Variants in RGMB observed in about 807,000 individuals in gnomAD.
The protein encoded by RGMB is repulsive guidance molecule B.
RGMB carries 16 observed loss-of-function variants against 26.9 expected under a neutral mutation model. The observed-to-expected ratio is 0.60, with a 90% CI of 0.40 to 0.90. The LOEUF (loss-of-function observed/expected upper bound fraction) is 0.90, where lower values mean the gene tolerates loss of function less well. RGMB is among the 40% of genes least tolerant of loss of function. The pLI is 0.00. For synonymous variants in RGMB, 225 were observed against 229.3 expected (o/e 0.98, Z 0.17); for missense variants, 512 against 573.3 (o/e 0.89, Z 1.09).
chr5:98,786,552 G>A (rs764084124), intron 2 of RGMB, among the ~76,000 whole-genome samples: 17 of 152,176 alleles, frequency 1.1e-4, no homozygotes, highest in Non-Finnish European at 2.2e-4. Context: ...GTTTCTGCTC[G>A]TGTGGAATGT....
chr5:98,779,762 T>C lies in RGMB; in HGVS notation c.319T>C (p.Ser107Pro). The C allele has an allele frequency of 2.5e-6, 4 of 1,614,052 alleles. No homozygotes were observed. The highest frequency in any genetic ancestry group is 3.4e-6 in the Non-Finnish European group (4 of 1,179,888). The change falls in exon 2 of 3, where the codon TCT (serine) becomes CCT (proline). Residue 107 changes from serine to proline, a missense_variant. Physicochemically the swap from Ser to Pro is moderately conservative, Grantham distance 74. Coordinates refer to ENST00000513185, the MANE Select transcript of RGMB (RefSeq NM_001366508.1). The stretch of plus-strand genomic sequence containing the variant: ...CTGCCGTGGCAACCTGGTATACCAT[T>C]CTGCCGTGTTGGGTATCAGTGACCT... ...KACRGNLVYH[S>P]AVLGISDLMS...
chr5:98,778,929 A>G (rs1346347502), intron 1 of RGMB, among the ~76,000 whole-genome samples: 1 of 151,686 alleles, frequency 6.6e-6, no homozygotes, highest in Non-Finnish European at 1.5e-5. Flanking sequence ...TTCTTAGAGC[A>G]TTTACATTTT....
intron 1 of RGMB, among the ~76,000 whole-genome samples, chr5:98,776,651 G>T (rs1746412145): frequency 6.6e-6 from 1 of 152,202 alleles, no homozygotes; most frequent in Non-Finnish European, 1.5e-5. Context: ...TGACCCAATC[G>T]CACTTTCTAT....
intron 1 of RGMB, among the ~76,000 whole-genome samples, chr5:98,774,492 C>T (rs917380880): frequency 6.6e-6 from 1 of 152,180 alleles, no homozygotes; most frequent in Non-Finnish European, 1.5e-5. Context: ...AAACATTTAG[C>T]GGGCGGGGGC....
At chr5:98,776,626 G>A (rs1205940496) in intron 1 of RGMB, among the ~76,000 whole-genome samples, 1 of 152,234 alleles carries the variant, frequency 6.6e-6, no homozygotes, top group African/African-American at 2.4e-5. Flanking sequence ...AAGCCCACAA[G>A]GCAGCTGAAA....
At position 98,775,642 on chromosome 5, in the gene RGMB, G is replaced by A. The variant is rs1397756139; in HGVS notation, c.136+1436G>A. Among the ~76,000 whole-genome samples the A allele has an allele frequency of 4.9e-4, 74 of 152,186 alleles. 1 individual carries two copies. The highest frequency in any genetic ancestry group is 4.8e-3 in the Admixed American group (73 of 15,280). On this transcript the variant is annotated intron_variant, in intron 1 of 2. Coordinates refer to ENST00000513185, the MANE Select transcript of RGMB (RefSeq NM_001366508.1). Reference sequence around the variant, plus strand: ...TTTCCCATAGTTGCCATAGGATCCTGTGACAGAATTGGAATGTGGTCCCTG... The same window carrying A: ...TTTCCCATAGTTGCCATAGGATCCTATGACAGAATTGGAATGTGGTCCCTG...
At chr5:98,770,733 T>C, upstream of RGMB, 2 of 1,059,580 alleles carry the variant, frequency 1.9e-6, no homozygotes. Flanking sequence ...AGTTGTACTT[T>C]CCTTATTTTC....
chr5:98,780,190 G>A, intron 2 of RGMB, 102 bp downstream of exon 2: 5 of 1,079,344 alleles, frequency 4.6e-6, no homozygotes, highest in East Asian at 2.4e-5. Flanking sequence ...TAGTTTAAAA[G>A]GAACTTCTTT....
chr5:98,772,137 C>T (rs1264998139), upstream of RGMB, among the ~76,000 whole-genome samples: 1 of 152,222 alleles, frequency 6.6e-6, no homozygotes. Flanking sequence ...CCCCAAAAGT[C>T]ATTTCTCCAG....
At position 98,773,683 on chromosome 5, in the gene RGMB, G is replaced by A. The variant is rs1746259705; in HGVS notation, c.-388G>A. The A allele has an allele frequency of 5.5e-6, 2 of 361,194 alleles. No homozygotes were observed. Among genetic ancestry groups the A allele is most frequent in the African/African-American group, 2.1e-5 (1 of 47,224 alleles). 22.4% of individuals were successfully genotyped at this position (361,194 alleles called of 1,614,324 possible). ...GCCGCGCAGAGATATCCGGGCCGCC[G>A]GTGGGTGGTCGCTAGGGCTGGGCCA... On this transcript the variant is annotated 5_prime_UTR_variant, in exon 1 of 3. Coordinates refer to ENST00000513185, the MANE Select transcript of RGMB (RefSeq NM_001366508.1).
chr5:98,771,359 C>A (rs1051609222), upstream of RGMB, among the ~76,000 whole-genome samples: 1 of 152,104 alleles, frequency 6.6e-6, no homozygotes, highest in South Asian at 2.1e-4. Flanking sequence ...TTTCTTTGTA[C>A]AATATAAAGT....
At position 98,796,396 on chromosome 5, in the gene RGMB, A is replaced by G. The variant is rs960798798; in HGVS notation, c.*2643A>G. On this transcript the variant is annotated 3_prime_UTR_variant, in exon 3 of 3. Coordinates refer to ENST00000513185, the MANE Select transcript of RGMB (RefSeq NM_001366508.1). Reference sequence around the variant, plus strand: ...AGAAACCTTTAGATGTGGTTCATAGATATATGAATACGTATCTGTGTAAAA... The same window carrying G: ...AGAAACCTTTAGATGTGGTTCATAGGTATATGAATACGTATCTGTGTAAAA... The G allele has an allele frequency of 6.8e-6, 1 of 146,014 alleles. No individual in the cohort carries two copies. The highest frequency in any genetic ancestry group is 1.5e-5 in the Non-Finnish European group (1 of 66,800). 9.0% of individuals were successfully genotyped at this position (146,014 alleles called of 1,614,324 possible).
Position 98,795,644 on chromosome 5 carries a change from AGAGAC to A in RGMB, c.*1893_*1897del, listed in dbSNP as rs1231718076. Reference sequence around the variant, plus strand: ...GCCTTCCTTTTATAGAAGCTGGACTAGAGACGGACTGACCATCAGCTCTGAACTGT... The same window carrying A: ...GCCTTCCTTTTATAGAAGCTGGACTAGGACTGACCATCAGCTCTGAACTGT... On this transcript the variant is annotated 3_prime_UTR_variant, in exon 3 of 3. Coordinates refer to ENST00000513185, the MANE Select transcript of RGMB (RefSeq NM_001366508.1). 9 of 152,230 alleles carry A rather than the reference AGAGAC, an allele frequency of 5.9e-5. No homozygotes were observed. Among genetic ancestry groups the A allele is most frequent in the Non-Finnish European group, 1.2e-4 (8 of 68,042 alleles). 9.4% of individuals were successfully genotyped at this position (152,230 alleles called of 1,614,324 possible). A position where few individuals can be genotyped will look rare whatever the true frequency, so the allele number is the denominator to read the frequency against.
upstream of RGMB, chr5:98,771,900 A>G (rs1177457863): frequency 6.6e-6 from 1 of 151,782 alleles, no homozygotes; most frequent in East Asian, 1.9e-4. Flanking sequence ...ATAAAGTGAG[A>G]TGCTGCTTTT....
At chr5:98,777,518 C>G (rs933910442) in intron 1 of RGMB, among the ~76,000 whole-genome samples, 2 of 152,138 alleles carry the variant, frequency 1.3e-5, no homozygotes, top group African/African-American at 4.8e-5. Context: ...GGAAGAACAA[C>G]AAGTTTTGAG....
In RGMB at chr5:98,774,026, G is replaced by A; in HGVS notation, c.-45G>A. 1 of 696,436 alleles carries A rather than the reference G, an allele frequency of 1.4e-6. No individual in the cohort carries two copies. Among genetic ancestry groups the A allele is most frequent in the Non-Finnish European group, 2.4e-6 (1 of 411,562 alleles). 43.1% of individuals were successfully genotyped at this position (696,436 alleles called of 1,614,324 possible). On this transcript the variant is annotated 5_prime_UTR_variant, in exon 1 of 3. Transcript: ENST00000513185. ...CGGGCCCAGACCCGCCACGGCGCCCGCGCCGCCGCCCTCGCCGGAGCCCAC... is the reference window on the plus strand; with the variant it reads ...CGGGCCCAGACCCGCCACGGCGCCCACGCCGCCGCCCTCGCCGGAGCCCAC...
intron 2 of RGMB, among the ~76,000 whole-genome samples, chr5:98,791,278 A>C (rs776981430): frequency 3.9e-5 from 6 of 152,230 alleles, no homozygotes; most frequent in Non-Finnish European, 8.8e-5. Context: ...AGCTGCACAC[A>C]GCGGATATGA....
At position 98,777,062 on chromosome 5, in the gene RGMB, G is replaced by T. The variant is rs1352881301; in HGVS notation, c.137-2518G>T. On this transcript the variant is annotated intron_variant, in intron 1 of 2. Coordinates refer to ENST00000513185, the MANE Select transcript of RGMB (RefSeq NM_001366508.1). ...GATCGCGCCACTGCTCTCCAGCCTG[G>T]GCAACAAGAGCAAGACTCCGTCTCA... is the stretch of plus-strand genomic sequence containing the variant. Among the ~76,000 whole-genome samples the T allele has an allele frequency of 5.9e-5, 9 of 151,642 alleles. No individual in the cohort carries two copies. The East Asian group carries it at 1.7e-3, about 29-fold the overall frequency.
Position 98,774,151 on chromosome 5 carries a change from C to G in RGMB, c.81C>G (p.Pro27=), listed in dbSNP as rs1366063476. 7.0e-5 allele frequency: 105 copies of G among 1,497,434 alleles called. No individual in the cohort carries two copies. Among genetic ancestry groups the G allele is most frequent in the Non-Finnish European group, 8.9e-5 (100 of 1,129,550 alleles). 92.8% of individuals were successfully genotyped at this position (1,497,434 alleles called of 1,614,324 possible). ...AGCGCCGCAGCCCCGGGCTCTGCCC[C>G]CCGCCGCTGGAGCTGCTGCTGCTGC... The part of the protein sequence containing the change: ...VEQRRSPGLC[P]PPLELLLLLL... Residue 27 remains proline, a synonymous_variant, in exon 1 of 3, where the codon CCC becomes CCG. Coordinates refer to ENST00000513185, the MANE Select transcript of RGMB (RefSeq NM_001366508.1).
Sources: gnomAD v4.1 joint callset for allele counts (sites outside exome capture counted in the v4.1 genomes callset) on GRCh38, gnomAD v4.1.1 for gene constraint, MANE v1.5 for transcripts, NCBI Gene and HGNC (gene_info 2026-07-23, HGNC 2026-07-21) for gene names.